Variants in CCDC141 observed in about 807,000 individuals in gnomAD.
The protein encoded by CCDC141 is coiled-coil domain-containing protein 141.
CCDC141 carries 168 observed loss-of-function variants against 181.0 expected under a neutral mutation model. That is an observed-to-expected ratio of 0.93 (90% CI 0.82 to 1.05). The LOEUF (loss-of-function observed/expected upper bound fraction) is 1.05, where lower values mean the gene tolerates loss of function less well. Among genes scored for constraint, CCDC141 ranks in the 50% least tolerant of loss-of-function variants. The pLI, the probability that CCDC141 is intolerant of heterozygous loss-of-function variation, is 0.00. For missense variants in CCDC141, 1,902 were observed against 1,788.5 expected, an observed-to-expected ratio of 1.06 and a Z score of -1.14; for synonymous variants, 666 against 642.3, an observed-to-expected ratio of 1.04 and a Z score of -0.56.
intron 2 of CCDC141, among the ~76,000 whole-genome samples, chr2:178,992,649 T>C (rs1369983716): frequency 6.6e-6 from 1 of 152,172 alleles, no homozygotes; most frequent in East Asian, 1.9e-4. Context: ...GTAGAAGTAT[T>C]AAGAACTAAT....
chr2:178,834,452 A>C lies in CCDC141; in HGVS notation c.4326-12T>G, dbSNP rs1212731196. The C allele has an allele frequency of 6.5e-7, 1 of 1,534,012 alleles. No individual in the cohort carries two copies. The highest frequency in any genetic ancestry group is 2.0e-5 in the Admixed American group (1 of 50,886). ...GGCCCTTCTTGTACCTGAAGCAGAG[A>C]GGCAGTTTTTAAAGTCAGGATTGCT... On this transcript the variant is annotated splice_polypyrimidine_tract_variant and intron_variant, in intron 23 of 23. Coordinates refer to ENST00000443758, the MANE Select transcript of CCDC141 (RefSeq NM_173648.4).
intron 19 of CCDC141, among the ~76,000 whole-genome samples, chr2:178,855,026 C>A (rs1685323377): frequency 6.6e-6 from 1 of 152,148 alleles, no homozygotes; most frequent in Non-Finnish European, 1.5e-5. Flanking sequence ...AGATATCCAG[C>A]AGTGAACATA....
In CCDC141 at chr2:178,896,178, G is replaced by A. The variant is rs949819877; in HGVS notation, c.1266-7510C>T. Among the ~76,000 whole-genome samples the A allele has an allele frequency of 3.3e-5, 5 of 152,158 alleles. No homozygotes were observed. The South Asian group carries it at 8.3e-4, about 25-fold the overall frequency. ...GTATTGATTCAGTTCATCTTGGCTC[G>A]AAGATGTAGACCCTTCACCCATCTC... is the stretch of plus-strand genomic sequence containing the variant. On this transcript the variant is annotated intron_variant, in intron 8 of 23. Coordinates refer to ENST00000443758, the MANE Select transcript of CCDC141 (RefSeq NM_173648.4).
At chr2:179,017,836 G>A (rs2042586428) in intron 2 of CCDC141, among the ~76,000 whole-genome samples, 1 of 152,048 alleles carries the variant, frequency 6.6e-6, no homozygotes, top group Non-Finnish European at 1.5e-5. Context: ...TTGTGTTGAC[G>A]ATGAGGTATG....
At chr2:179,006,420 A>G (rs1575334872) in intron 2 of CCDC141, among the ~76,000 whole-genome samples, 1 of 152,146 alleles carries the variant, frequency 6.6e-6, no homozygotes, top group East Asian at 1.9e-4. Flanking sequence ...GTGTTCAGAG[A>G]GTGGTTCAAT....
At position 179,047,232 on chromosome 2, in the gene CCDC141, A is replaced by G. The variant is rs926491221; in HGVS notation, c.225+52T>C. On this transcript the variant is annotated intron_variant, in intron 2 of 23. Transcript: ENST00000443758. Reference sequence around the variant, plus strand: ...AGAGGAATCAAGAAGTATAAGAAATAGTTTTTTATGTCTCTTTAATTTTGT... The same window carrying G: ...AGAGGAATCAAGAAGTATAAGAAATGGTTTTTTATGTCTCTTTAATTTTGT... The G allele has an allele frequency of 3.4e-5, 49 of 1,457,756 alleles. No individual in the cohort carries two copies. The Middle Eastern group carries it at 5.3e-4, about 16-fold the overall frequency. The allele number at this position is 1,457,756 out of a possible 1,614,324, so 90.3% of individuals were successfully genotyped here.
chr2:178,977,372 C>A (rs1691165913), intron 3 of CCDC141, among the ~76,000 whole-genome samples: 1 of 152,114 alleles, frequency 6.6e-6, no homozygotes, highest in Non-Finnish European at 1.5e-5. Context: ...ACAGTTGACA[C>A]CTATACCCTA....
At chr2:178,849,405 T>G (rs1041750814) in intron 21 of CCDC141, among the ~76,000 whole-genome samples, 1 of 152,246 alleles carries the variant, frequency 6.6e-6, no homozygotes, top group South Asian at 2.1e-4. Flanking sequence ...TTGATCTTAA[T>G]GACCTTGCTG....
At chr2:178,865,969 C>T (rs1387215626) in intron 16 of CCDC141, 53 bp from the exon 17 acceptor site, 64 of 1,309,764 alleles carry the variant, frequency 4.9e-5, no homozygotes, top group Middle Eastern at 2.0e-4. Context: ...AGCAATAAGA[C>T]GAGTAGGCTA....
At chr2:178,932,360 C>T (rs781225076) in intron 6 of CCDC141, among the ~76,000 whole-genome samples, 2 of 152,128 alleles carry the variant, frequency 1.3e-5, no homozygotes, top group Non-Finnish European at 2.9e-5. Context: ...TCAAATTTAA[C>T]TCCAATTCCC....
intron 13 of CCDC141, 43 bp downstream of exon 13, chr2:178,872,090 C>T (rs752194852): frequency 3.2e-6 from 5 of 1,585,134 alleles, no homozygotes; most frequent in Non-Finnish European, 3.4e-6. Flanking sequence ...TAGCCTGTGT[C>T]GGAATTTCAT....
chr2:178,994,175 T>C (rs191697310), intron 2 of CCDC141, among the ~76,000 whole-genome samples: 1 of 152,206 alleles, frequency 6.6e-6, no homozygotes, highest in Non-Finnish European at 1.5e-5. Context: ...GTTTGTGGGC[T>C]CCAACCCCAC....
chr2:178,995,678 C>T (rs78216274), intron 2 of CCDC141, among the ~76,000 whole-genome samples: 2,245 of 152,250 alleles, frequency 0.015, 55 homozygotes, highest in African/African-American at 0.052. Flanking sequence ...TGGGTAGAAA[C>T]GGCAATGAAT....
At position 178,885,082 on chromosome 2, in the gene CCDC141, T is replaced by C; in HGVS notation, c.1538A>G (p.His513Arg). ...ELDIQAKETS[H>R]ELEAAAKTMM... is the part of the protein sequence containing the mutation. Reference sequence around the variant, plus strand: ...GGTTTTTGCAGCTGCTTCTAATTCATGTGATGTCTCCTGTAAAAGCAAAGC... The same window carrying C: ...GGTTTTTGCAGCTGCTTCTAATTCACGTGATGTCTCCTGTAAAAGCAAAGC... Residue 513 changes from histidine to arginine, a missense_variant, in exon 11 of 24, where the codon CAT becomes CGT. Coordinates refer to ENST00000443758, the MANE Select transcript of CCDC141 (RefSeq NM_173648.4). The C allele has an allele frequency of 6.5e-7, 1 of 1,549,136 alleles. No homozygotes were observed. The highest frequency in any genetic ancestry group is 8.7e-7 in the Non-Finnish European group (1 of 1,146,054).
intron 5 of CCDC141, among the ~76,000 whole-genome samples, chr2:178,956,020 G>A (rs914828101): frequency 6.6e-6 from 1 of 152,146 alleles, no homozygotes; most frequent in Non-Finnish European, 1.5e-5. Flanking sequence ...AGACATGATG[G>A]TAACAACTGC....
chr2:178,984,543 C>G (rs1691613952), intron 2 of CCDC141, among the ~76,000 whole-genome samples: 1 of 151,074 alleles, frequency 6.6e-6, no homozygotes, highest in South Asian at 2.1e-4. Context: ...GAGTCAAGAC[C>G]CATCAGTGTG....
chr2:178,907,763 G>A (rs1462446336), intron 7 of CCDC141, among the ~76,000 whole-genome samples: 1 of 152,164 alleles, frequency 6.6e-6, no homozygotes, highest in Non-Finnish European at 1.5e-5. Context: ...GGAGGCCAAG[G>A]TGGGTGGATC....
At chr2:178,999,198 T>C (rs1462095907) in intron 2 of CCDC141, among the ~76,000 whole-genome samples, 1 of 152,150 alleles carries the variant, frequency 6.6e-6, no homozygotes, top group Non-Finnish European at 1.5e-5. Context: ...AAATAGATCA[T>C]GTCTTCTTTA....
In CCDC141 at chr2:178,905,338, T is replaced by A. The variant is rs1230351596; in HGVS notation, c.1256A>T (p.Asp419Val). The change falls in exon 8 of 24, where the codon GAC becomes GTC. Residue 419 changes from aspartate (D) to valine (V), a missense_variant. Transcript: ENST00000443758. ...QKGQTLISQV[D>V]SCSSQVSGIH... ...AATCAACTTTACTCACCTGCAGGAG[T>A]CTACTTGGCTGATTAAGGTTTGTCC... 9 of 1,546,372 alleles carry A rather than the reference T, an allele frequency of 5.8e-6. No homozygotes were observed. The highest frequency in any genetic ancestry group is 7.9e-6 in the Non-Finnish European group (9 of 1,145,506).
Sources: allele counts gnomAD v4.1 joint callset (sites outside exome capture counted in the v4.1 genomes callset), GRCh38; gene constraint gnomAD v4.1.1; transcripts MANE v1.5; gene names NCBI Gene and HGNC (gene_info 2026-07-23, HGNC 2026-07-21).